TP63: variants seen among roughly 807,000 people sequenced by gnomAD.
The protein encoded by TP63 is tumor protein 63.
Under a neutral mutation model 82.8 loss-of-function variants are expected in TP63, and 17 were observed. The observed-to-expected ratio is 0.21, with a 90% CI of 0.14 to 0.31. TP63 has a LOEUF of 0.31. Ranked by LOEUF, TP63 falls within the 10% of genes least tolerant of loss-of-function variation. The pLI, the probability that TP63 is intolerant of heterozygous loss-of-function variation, is 1.00. For missense variants in TP63, 648 were observed against 895.3 expected, an observed-to-expected ratio of 0.72 and a Z score of 3.52; for synonymous variants, 330 against 321.7, an observed-to-expected ratio of 1.03 and a Z score of -0.28.
At chr3:189,643,061 G>A (rs1712057971) in intron 1 of TP63, among the ~76,000 whole-genome samples, 4 of 151,542 alleles carry the variant, frequency 2.6e-5, no homozygotes, top group Admixed American at 2.0e-4. Context: ...GAGTACAATG[G>A]CGCAATCTCA....
intron 1 of TP63, among the ~76,000 whole-genome samples, chr3:189,652,188 A>G (rs969790455): frequency 1.4e-5 from 2 of 146,492 alleles, no homozygotes; most frequent in Non-Finnish European, 3.0e-5. Context: ...TAAACCACAG[A>G]CACTCAACCC....
At chr3:189,667,251 T>C (rs2108663846) in intron 1 of TP63, among the ~76,000 whole-genome samples, 1 of 147,488 alleles carries the variant, frequency 6.8e-6, no homozygotes, top group Middle Eastern at 3.6e-3. Flanking sequence ...CTCTACTCAC[T>C]GCGACCTCTG....
chr3:189,804,825 G>A (rs960155674), intron 3 of TP63, among the ~76,000 whole-genome samples: 2 of 152,168 alleles, frequency 1.3e-5, no homozygotes, highest in African/African-American at 2.4e-5. Context: ...AAAAGACAAC[G>A]GAGTATACTA....
Position 189,877,491 on chromosome 3 carries a change from G to A in TP63, c.1349+4496G>A, listed in dbSNP as rs554141043. ...GCTGACATCACTTTGTTACAGTCTC[G>A]CTTAGGCTAGCTCTTACTTTCCTCT... is the stretch of plus-strand genomic sequence containing the variant. On this transcript the variant is annotated intron_variant, in intron 10 of 13. Coordinates refer to ENST00000264731, the MANE Select transcript of TP63 (RefSeq NM_003722.5). Among the ~76,000 whole-genome samples the A allele has an allele frequency of 1.3e-3, 194 of 152,208 alleles. 4 individuals are homozygous for A. Among genetic ancestry groups the A allele is most frequent in the Admixed American group, 9.9e-3 (152 of 15,292 alleles).
intron 3 of TP63, among the ~76,000 whole-genome samples, chr3:189,784,058 G>A (rs1724418304): frequency 1.3e-5 from 2 of 151,854 alleles, no homozygotes; most frequent in South Asian, 4.1e-4. Context: ...AACTTTTAAT[G>A]TAATTCTGAG....
intron 1 of TP63, among the ~76,000 whole-genome samples, chr3:189,730,169 T>G (rs997729114): frequency 6.6e-5 from 10 of 152,196 alleles, no homozygotes; most frequent in Admixed American, 3.3e-4. Flanking sequence ...CACTTTTATC[T>G]AAGGGTTGAG....
chr3:189,743,439 T>C (rs1417624275), intron 3 of TP63, among the ~76,000 whole-genome samples: 1 of 152,170 alleles, frequency 6.6e-6, no homozygotes, highest in Non-Finnish European at 1.5e-5. Flanking sequence ...CCCTTTGGCC[T>C]GTAAGTTCCA....
the TP63 span, among the ~76,000 whole-genome samples, chr3:189,608,357 T>C: frequency 6.6e-6 from 1 of 152,188 alleles, no homozygotes; most frequent in East Asian, 1.9e-4. Context: ...TCATCTGTCA[T>C]CAGAGTTCTA....
At chr3:189,880,220 T>C (rs765956696) in intron 10 of TP63, 2 of 1,599,022 alleles carry the variant, frequency 1.3e-6, no homozygotes, top group East Asian at 2.2e-5. Context: ...TGTATTTCCA[T>C]GTGTATATGT....
At chr3:189,814,748 C>T (rs1395062164) in intron 4 of TP63, among the ~76,000 whole-genome samples, 1 of 152,120 alleles carries the variant, frequency 6.6e-6, no homozygotes, top group African/African-American at 2.4e-5. Flanking sequence ...TTCCCTCATC[C>T]AGAGCAGAAT....
intron 4 of TP63, among the ~76,000 whole-genome samples, chr3:189,813,511 C>A (rs1727808088): frequency 6.6e-6 from 1 of 152,094 alleles, no homozygotes; most frequent in Admixed American, 6.5e-5. Context: ...GCCTCACACA[C>A]CTTTGCCAGT....
the TP63 span, among the ~76,000 whole-genome samples, chr3:189,604,739 G>T: frequency 1.3e-5 from 2 of 152,086 alleles, no homozygotes; most frequent in Non-Finnish European, 2.9e-5. Context: ...ATCTTATTTT[G>T]TTACTTCTTA....
At chr3:189,774,870 T>C (rs73197833) in intron 3 of TP63, among the ~76,000 whole-genome samples, 7,034 of 152,238 alleles carry the variant, frequency 0.046, 308 homozygotes, top group East Asian at 0.22. Flanking sequence ...TTGAATATAT[T>C]CTCAAGACTT....
At chr3:189,759,588 A>C (rs974608346) in intron 3 of TP63, among the ~76,000 whole-genome samples, 2 of 152,194 alleles carry the variant, frequency 1.3e-5, no homozygotes, top group African/African-American at 4.8e-5. Context: ...TATGATCTGG[A>C]AAAATGGGAC....
chr3:189,844,299 G>A (rs1398028747), intron 4 of TP63: 3 of 415,012 alleles, frequency 7.2e-6, no homozygotes, highest in Admixed American at 2.5e-5. Context: ...AGCCTCCCAA[G>A]TAGGTGGGAT....
chr3:189,735,838 T>TAC (rs1476964954), intron 1 of TP63, among the ~76,000 whole-genome samples: 1 of 150,784 alleles, frequency 6.6e-6, no homozygotes, highest in Non-Finnish European at 1.5e-5. Flanking sequence ...TAAAATGAAA[T>TAC]ACACACACAT....
chr3:189,806,989 G>A (rs1470287163), intron 3 of TP63, among the ~76,000 whole-genome samples: 1 of 152,086 alleles, frequency 6.6e-6, no homozygotes, highest in Non-Finnish European at 1.5e-5. Context: ...TACTTAATCT[G>A]GGACTCTCAG....
chr3:189,707,530 A>G (rs751077915), intron 1 of TP63, among the ~76,000 whole-genome samples: 1 of 152,120 alleles, frequency 6.6e-6, no homozygotes, highest in African/African-American at 2.4e-5. Flanking sequence ...ATTCCCAGAC[A>G]TGTTTGCTGT....
At chr3:189,778,697 G>C (rs181253958) in intron 3 of TP63, among the ~76,000 whole-genome samples, 204 of 152,290 alleles carry the variant, frequency 1.3e-3, no homozygotes, top group Middle Eastern at 3.4e-3. Context: ...CTTTTAAAGA[G>C]ATGCTTAGAC....
Sources: allele counts gnomAD v4.1 joint callset (sites outside exome capture counted in the v4.1 genomes callset), GRCh38; gene constraint gnomAD v4.1.1; transcripts MANE v1.5; gene names NCBI Gene and HGNC (gene_info 2026-07-23, HGNC 2026-07-21).